ZNF564: variants seen among roughly 807,000 people sequenced by gnomAD.
ZNF564 encodes the protein zinc finger protein 564.
Under a neutral mutation model 10.5 loss-of-function variants are expected in ZNF564, and 5 were observed. The ratio of observed to expected loss-of-function variants is 0.48; its 90% confidence interval spans 0.25 to 1.00. The LOEUF (loss-of-function observed/expected upper bound fraction) is 1.00. ZNF564 is among the 50% of genes least tolerant of loss of function. ZNF564 has a pLI of 0.16. For missense variants in ZNF564, 603 were observed against 669.7 expected, an observed-to-expected ratio of 0.90 and a Z score of 1.10; for synonymous variants, 242 against 218.1, an observed-to-expected ratio of 1.11 and a Z score of -0.97.
At chr19:12,550,082 C>T (rs2022223441) in intron 1 of ZNF564, among the ~76,000 whole-genome samples, 1 of 151,492 alleles carries the variant, frequency 6.6e-6, no homozygotes, top group East Asian at 1.9e-4. Context: ...CACCTGAGGT[C>T]GGGAGTTCGA....
chr19:12,546,102 A>T (rs569345291), intron 1 of ZNF564, among the ~76,000 whole-genome samples: 38 of 152,334 alleles, frequency 2.5e-4, no homozygotes, highest in African/African-American at 8.7e-4. Context: ...AACTGCAGAC[A>T]AACACCAAAT....
chr19:12,535,247 C>A (rs1235175761), intron 1 of ZNF564, among the ~76,000 whole-genome samples: 2 of 152,026 alleles, frequency 1.3e-5, no homozygotes, highest in Non-Finnish European at 2.9e-5. Flanking sequence ...GTGGCGGACA[C>A]CTGTAATCCC....
At chr19:12,548,678 T>A (rs1335623108) in intron 1 of ZNF564, 1 of 632,844 alleles carries the variant, frequency 1.6e-6, no homozygotes, top group Non-Finnish European at 2.8e-6. Flanking sequence ...GAAAAGCACA[T>A]TTATCTATCC....
At chr19:12,546,240 T>C (rs538134046) in intron 1 of ZNF564, among the ~76,000 whole-genome samples, 2 of 152,208 alleles carry the variant, frequency 1.3e-5, no homozygotes, top group African/African-American at 4.8e-5. Context: ...ACACTCTGAC[T>C]AAACCAACTC....
intron 1 of ZNF564, among the ~76,000 whole-genome samples, chr19:12,540,532 C>A (rs532605120): frequency 2.3e-4 from 35 of 151,998 alleles, no homozygotes; most frequent in Admixed American, 1.1e-3. Flanking sequence ...CCAGTCTGGC[C>A]AACATGGTGA....
chr19:12,527,933 G>C lies in ZNF564; in HGVS notation c.192-17C>G. On this transcript the variant is annotated splice_polypyrimidine_tract_variant and intron_variant, in intron 3 of 3. Transcript: ENST00000339282. ...ATATGATTTCTGGAAAAAATAGAAA[G>C]CAAGATTTAGTGGTTTGTGACTTTA... The C allele has an allele frequency of 6.4e-7, 1 of 1,562,804 alleles. No homozygotes were observed.
chr19:12,550,660 G>A (rs558439783), intron 1 of ZNF564: 2,450 of 149,504 alleles, frequency 0.016, 76 homozygotes, highest in African/African-American at 0.058. Context: ...TGTCTGAAAA[G>A]AAAAAAAAAA....
intron 1 of ZNF564, among the ~76,000 whole-genome samples, chr19:12,534,379 C>CTT: frequency 6.6e-6 from 1 of 152,224 alleles, no homozygotes; most frequent in African/African-American, 2.4e-5. Flanking sequence ...CTAACACAAC[C>CTT]TTTATTAGAA....
chr19:12,527,199 G>A lies in ZNF564; in HGVS notation c.909C>T (p.His303=). The A allele has an allele frequency of 3.1e-6, 5 of 1,614,168 alleles. No individual in the cohort carries two copies. Among genetic ancestry groups the A allele is most frequent in the Non-Finnish European group, 3.4e-6 (4 of 1,180,032 alleles). The change falls in exon 4 of 4, where the codon CAC becomes CAT. Residue 303 remains histidine, a synonymous_variant. Transcript: ENST00000339282. The stretch of plus-strand genomic sequence containing the variant: ...TACATTTATAAGGTCCATCCCCAGT[G>A]TGCCTAATCATATGACTTTGAAAAT... ...FTNFQSHMIR[H]TGDGPYKCKV... is the part of the protein sequence containing the mutation.
In ZNF564 at chr19:12,527,443, T is replaced by C; in HGVS notation, c.665A>G (p.Glu222Gly). The change falls in exon 4 of 4, where the codon GAG becomes GGG. Residue 222 changes from glutamate to glycine, a missense_variant. By Grantham distance (98) the Glu-to-Gly change is moderately conservative (BLOSUM62 -2). Coordinates refer to ENST00000339282, the MANE Select transcript of ZNF564 (RefSeq NM_144976.4). ...ACATTCCTGACATTCATAGGGTTTC[T>C]CTCCAGTGTGAGTTCTTTCATGTAT... Reference protein sequence around the residue: ...FQIHERTHTGEKPYECQECAK... With the variant: ...FQIHERTHTGGKPYECQECAK... The C allele has an allele frequency of 6.2e-7, 1 of 1,614,164 alleles. No homozygotes were observed. The highest frequency in any genetic ancestry group is 8.5e-7 in the Non-Finnish European group (1 of 1,179,998).
At position 12,542,564 on chromosome 19, in the gene ZNF564, T is replaced by C. The variant is rs1425425059; in HGVS notation, c.3+8766A>G. On this transcript the variant is annotated intron_variant, in intron 1 of 3. Transcript: ENST00000339282. ...TGAACCCAAGAGTTGTAGGCTGCAGTGAGCTATGATCACGCCAGTGCAGAT... is the reference window on the plus strand; with the variant it reads ...TGAACCCAAGAGTTGTAGGCTGCAGCGAGCTATGATCACGCCAGTGCAGAT... Among the ~76,000 whole-genome samples the C allele has an allele frequency of 2.7e-5, 4 of 149,550 alleles. No homozygotes were observed. In the Admixed American group the frequency reaches 2.7e-4, roughly 10 times the overall value.
In ZNF564 at chr19:12,551,466, A is replaced by G; in HGVS notation, c.-134T>C. 2 of 1,427,968 alleles carry G rather than the reference A, an allele frequency of 1.4e-6. No homozygotes were observed. Among genetic ancestry groups the G allele is most frequent in the Non-Finnish European group, 1.8e-6 (2 of 1,091,470 alleles). 88.5% of individuals were successfully genotyped at this position (1,427,968 alleles called of 1,614,324 possible). On this transcript the variant is annotated 5_prime_UTR_variant, in exon 1 of 4. Coordinates refer to ENST00000339282, the MANE Select transcript of ZNF564 (RefSeq NM_144976.4). The stretch of plus-strand genomic sequence containing the variant: ...GGAGACCGGAACCCAAACGCAGCGG[A>G]CACGAAACAGGAAGACCCCGCGGAG...
rs766166966 is a variant in ZNF564 at position 12,525,802 on chromosome 19, G to C, written c.*644C>G. 6.6e-6 allele frequency: 1 copy of C among 152,266 alleles called. No homozygotes were observed. The allele number at this position is 152,266 out of a possible 1,614,324, so 9.4% of individuals were successfully genotyped here. A position where few individuals can be genotyped will look rare whatever the true frequency, so the allele number is the denominator to read the frequency against. ...CAAGGCACTGGCATAGTCCATGTCTGGTAAGGGCCTGCTTCCCGGTTCAAA... is the reference window on the plus strand; with the variant it reads ...CAAGGCACTGGCATAGTCCATGTCTCGTAAGGGCCTGCTTCCCGGTTCAAA... On this transcript the variant is annotated 3_prime_UTR_variant, in exon 4 of 4. Transcript: ENST00000339282.
intron 1 of ZNF564, among the ~76,000 whole-genome samples, chr19:12,544,922 A>T (rs1379885707): frequency 6.6e-6 from 1 of 152,174 alleles, no homozygotes. Flanking sequence ...AGGTTAAACA[A>T]GCCTGAGGAC....
intron 1 of ZNF564, among the ~76,000 whole-genome samples, chr19:12,543,193 T>C (rs1462091811): frequency 6.6e-6 from 1 of 151,296 alleles, no homozygotes; most frequent in Non-Finnish European, 1.5e-5. Flanking sequence ...TCCCAGCTAC[T>C]CAGGAGGCTG....
intron 1 of ZNF564, among the ~76,000 whole-genome samples, chr19:12,543,138 A>T (rs2022088857): frequency 6.6e-6 from 1 of 151,564 alleles, no homozygotes; most frequent in Non-Finnish European, 1.5e-5. Flanking sequence ...TTGTCTTTGT[A>T]AAAATACAAA....
At chr19:12,545,906 C>T (rs938805737) in intron 1 of ZNF564, among the ~76,000 whole-genome samples, 9 of 152,118 alleles carry the variant, frequency 5.9e-5, no homozygotes, top group African/African-American at 2.2e-4. Context: ...AAAGCAACAA[C>T]CCTCTAGTCA....
intron 1 of ZNF564, among the ~76,000 whole-genome samples, chr19:12,534,736 C>A (rs1310712769): frequency 1.3e-5 from 2 of 152,118 alleles, no homozygotes; most frequent in Non-Finnish European, 2.9e-5. Flanking sequence ...ATTGTCTGAG[C>A]CCAGGAGGTG....
chr19:12,533,727 C>CAAAAAAAAAAAAAAAA (rs59631972), intron 1 of ZNF564, among the ~76,000 whole-genome samples: 2 of 29,182 alleles, frequency 6.9e-5, no homozygotes, highest in African/African-American at 1.7e-4. Context: ...CTGCTGTCTC[C>CAAAAAAAAAAAAAAAA]AAAAAAAAAA....
Sources: allele counts gnomAD v4.1 joint callset (sites outside exome capture counted in the v4.1 genomes callset), GRCh38; gene constraint gnomAD v4.1.1; transcripts MANE v1.5; gene names NCBI Gene and HGNC (gene_info 2026-07-23, HGNC 2026-07-21).